FRMPD3: variants seen among roughly 807,000 people sequenced by gnomAD.
The protein encoded by FRMPD3 is FERM and PDZ domain-containing protein 3.
Under a neutral mutation model 97.9 loss-of-function variants are expected in FRMPD3, and 42 were observed. The ratio of observed to expected loss-of-function variants is 0.43; its 90% CI spans 0.34 to 0.55. The LOEUF (loss-of-function observed/expected upper bound fraction) is 0.55, where lower values mean the gene tolerates loss of function less well. Among genes scored for constraint, FRMPD3 ranks in the 20% least tolerant of loss-of-function variants. The pLI is 0.03. For missense variants in FRMPD3, 1,303 were observed against 1,457.7 expected (o/e 0.89, Z 1.73); for synonymous variants, 577 against 581.1 (o/e 0.99, Z 0.10).
rs773465800 is a variant in FRMPD3, at chrX:107,602,827, G to T, written c.4788G>T (p.Leu1596=). ...GLPDGFLAAR[L]DTNELLTVLR... ...CTGATGGCTTCCTGGCTGCCCGGCTGGACACCAACGAGCTGCTGACAGTCC... is the reference window on the plus strand; with the variant it reads ...CTGATGGCTTCCTGGCTGCCCGGCTTGACACCAACGAGCTGCTGACAGTCC... Residue 1596 remains leucine (L), a synonymous_variant, in exon 15 of 15, where the codon CTG becomes CTT. Coordinates refer to ENST00000683843, the MANE Select transcript of FRMPD3 (RefSeq NM_001388459.1). The T allele has an allele frequency of 1.7e-5, 21 of 1,208,481 alleles. No homozygotes were observed. In the African/African-American group the frequency reaches 3.5e-4, roughly 20 times the overall value.
rs146260736 is a variant in FRMPD3, at chrX:107,495,772, C to G, written c.-7-30810C>G. 9.0e-3 allele frequency among the ~76,000 whole-genome samples: 1,018 copies of G among 112,645 alleles called. 10 individuals carry two copies. The highest frequency in any genetic ancestry group is 0.031 in the African/African-American group (964 of 30,992). ...TAATCTGGATTACTCTTCACAGCAA[C>G]TTTACTCTTAGTAAACACATAATGA... On this transcript the variant is annotated intron_variant, in intron 1 of 14. Coordinates refer to ENST00000683843, the MANE Select transcript of FRMPD3 (RefSeq NM_001388459.1).
chrX:107,479,283 C>G (rs1050742425), intron 1 of FRMPD3, among the ~76,000 whole-genome samples: 1 of 112,071 alleles, frequency 8.9e-6, no homozygotes, highest in Non-Finnish European at 1.9e-5. Context: ...GAGAGTGGCT[C>G]CTGGCCACAT....
At chrX:107,473,677 C>T (rs906100168) in intron 1 of FRMPD3, among the ~76,000 whole-genome samples, 1 of 112,333 alleles carries the variant, frequency 8.9e-6, no homozygotes, top group Non-Finnish European at 1.9e-5. Context: ...TACCCTCACC[C>T]CCAACATACA....
chrX:107,509,237 A>G (rs1192789775), intron 1 of FRMPD3, among the ~76,000 whole-genome samples: 1 of 111,867 alleles, frequency 8.9e-6, no homozygotes, highest in African/African-American at 3.3e-5. Context: ...CTCCGCAAAG[A>G]CCCTCTTCAA....
chrX:107,498,195 TG>T, intron 1 of FRMPD3, among the ~76,000 whole-genome samples: 1 of 112,619 alleles, frequency 8.9e-6, no homozygotes, highest in South Asian at 3.7e-4. Context: ...GCTCTCAAGT[TG>T]TTTTTGCACG....
chrX:107,549,322 CAAAAAAAGAAAAAGAAA>C (rs762111061), intron 5 of FRMPD3, among the ~76,000 whole-genome samples: 157 of 104,555 alleles, frequency 1.5e-3, no homozygotes, highest in Middle Eastern at 1.0e-2. Flanking sequence ...GACTCTGTCT[CAAAAAAAGAAAAAGAAA>C]AAAAAAAGAA....
chrX:107,589,698 A>G (rs1289981731), intron 13 of FRMPD3, among the ~76,000 whole-genome samples: 3 of 112,817 alleles, frequency 2.7e-5, no homozygotes. Flanking sequence ...ATAACTAGTT[A>G]AAAGACAAAG....
chrX:107,576,131 G>A (rs763091822), intron 12 of FRMPD3, among the ~76,000 whole-genome samples, 184 bp from the exon 13 acceptor site: 1 of 112,349 alleles, frequency 8.9e-6, no homozygotes, highest in South Asian at 3.7e-4. Context: ...TGGGTAAGAG[G>A]TTATTACAAA....
At chrX:107,466,588 C>A (rs1200873940) in intron 1 of FRMPD3, among the ~76,000 whole-genome samples, 1 of 112,269 alleles carries the variant, frequency 8.9e-6, no homozygotes, top group African/African-American at 3.2e-5. Flanking sequence ...TTGTTCTTTC[C>A]TTTTCCCTTC....
At chrX:107,450,421 G>A (rs2147883638) in intron 1 of FRMPD3, among the ~76,000 whole-genome samples, 1 of 111,283 alleles carries the variant, frequency 9.0e-6, no homozygotes, top group East Asian at 2.9e-4. Context: ...CCGAGCCCAG[G>A]GGCTGCCAGA....
chrX:107,589,644 C>G (rs1361285656), intron 13 of FRMPD3, among the ~76,000 whole-genome samples: 1 of 112,132 alleles, frequency 8.9e-6, no homozygotes, highest in African/African-American at 3.2e-5. Context: ...GCCGCTGTTT[C>G]TAGTCAGCCA....
intron 1 of FRMPD3, among the ~76,000 whole-genome samples, chrX:107,468,188 C>T (rs773363163): frequency 1.8e-5 from 2 of 111,913 alleles, no homozygotes; most frequent in African/African-American, 6.5e-5. Context: ...GAGGCATGGG[C>T]AAGAACAATT....
At chrX:107,596,759 C>T (rs1451326911) in intron 13 of FRMPD3, among the ~76,000 whole-genome samples, 1 of 112,287 alleles carries the variant, frequency 8.9e-6, no homozygotes, top group Non-Finnish European at 1.9e-5. Context: ...TAGGATCCCT[C>T]CATCAACAGG....
At chrX:107,576,560 A>T in intron 13 of FRMPD3, 101 bp downstream of exon 13, 1 of 953,611 alleles carries the variant, frequency 1.0e-6, no homozygotes, top group Non-Finnish European at 1.5e-6. Flanking sequence ...ACCCCGTGCC[A>T]ACAGTGCCTG....
At chrX:107,572,974 T>C (rs1373950841) in intron 12 of FRMPD3, among the ~76,000 whole-genome samples, 3 of 110,598 alleles carry the variant, frequency 2.7e-5, no homozygotes, top group African/African-American at 9.9e-5. Context: ...TGAAGTGGAT[T>C]CAAGTGGGTA....
Position 107,530,572 on chromosome X carries a change from T to C in FRMPD3, c.251+61T>C. ...CCCCACCCCTGACTCACCAGTGACA[T>C]GGGGCCACCACTATCCCCCCCTCGC... On this transcript the variant is annotated intron_variant, in intron 3 of 14. Coordinates refer to ENST00000683843, the MANE Select transcript of FRMPD3 (RefSeq NM_001388459.1). The C allele has an allele frequency of 3.8e-6, 3 of 793,182 alleles. No homozygotes were observed. The South Asian group carries it at 6.9e-5, about 18-fold the overall frequency. The allele number at this position is 793,182 out of a possible 1,213,427, so 65.4% of individuals were successfully genotyped here.
At chrX:107,567,358 A>G (rs1464747609) in intron 12 of FRMPD3, among the ~76,000 whole-genome samples, 1 of 112,157 alleles carries the variant, frequency 8.9e-6, no homozygotes, top group Non-Finnish European at 1.9e-5. Context: ...TAAGTACTCA[A>G]TGAATGAGAC....
intron 1 of FRMPD3, among the ~76,000 whole-genome samples, chrX:107,491,684 G>A (rs1357059804): frequency 8.9e-6 from 1 of 111,903 alleles, no homozygotes; most frequent in Non-Finnish European, 1.9e-5. Context: ...GATAGGGGCT[G>A]GAGTGGCGGG....
chrX:107,560,117 G>C, intron 8 of FRMPD3, 140 bp from the exon 9 acceptor site: 1 of 703,715 alleles, frequency 1.4e-6, no homozygotes, highest in East Asian at 3.4e-5. Context: ...TCTTCTCCAA[G>C]GGGAGCTCCT....
Sources: allele counts gnomAD v4.1 joint callset (sites outside exome capture counted in the v4.1 genomes callset), GRCh38; gene constraint gnomAD v4.1.1; transcripts MANE v1.5; gene names NCBI Gene and HGNC (gene_info 2026-07-23, HGNC 2026-07-21).